Variants in SHANK2 observed in about 807,000 individuals in gnomAD.
SHANK2 encodes the protein SH3 and multiple ankyrin repeat domains 2.
A neutral mutation model predicts 133.7 loss-of-function variants in SHANK2; 43 were observed. The observed-to-expected ratio is 0.32, with a 90% CI of 0.25 to 0.41. The LOEUF (loss-of-function observed/expected upper bound fraction) is 0.41, where lower values mean the gene tolerates loss of function less well. Ranked by LOEUF, SHANK2 falls within the 10% of genes least tolerant of loss-of-function variation. SHANK2 has a pLI of 1.00. For synonymous variants in SHANK2, 1,017 were observed against 952.8 expected, an observed-to-expected ratio of 1.07 and a Z score of -1.24; for missense variants, 1,994 against 2,235.8, an observed-to-expected ratio of 0.89 and a Z score of 2.18.
intron 17 of SHANK2, among the ~76,000 whole-genome samples, chr11:70,553,649 C>T (rs1039312892): frequency 1.1e-4 from 16 of 152,314 alleles, no homozygotes; most frequent in Middle Eastern, 3.4e-3. Flanking sequence ...CACCCGGGCT[C>T]TTTCACCGAG....
intron 14 of SHANK2, among the ~76,000 whole-genome samples, chr11:70,702,072 C>T (rs1046446714): frequency 3.3e-5 from 5 of 151,722 alleles, no homozygotes; most frequent in Non-Finnish European, 7.4e-5. Context: ...TCATTACCAA[C>T]ATCATCACCG....
At chr11:70,540,264 A>G (rs58060506) in intron 17 of SHANK2, among the ~76,000 whole-genome samples, 22,711 of 152,146 alleles carry the variant, frequency 0.15, 1,918 homozygotes, top group East Asian at 0.21. Flanking sequence ...TGTCCCCAAG[A>G]GCAGGGGCCA....
chr11:70,711,656 G>C (rs1359481495), intron 14 of SHANK2, among the ~76,000 whole-genome samples: 1 of 152,030 alleles, frequency 6.6e-6, no homozygotes, highest in African/African-American at 2.4e-5. Flanking sequence ...TGTTGGGTAT[G>C]GGACCCACCG....
chr11:71,196,363 G>T (rs1403739678), intron 2 of SHANK2, among the ~76,000 whole-genome samples: 1 of 151,936 alleles, frequency 6.6e-6, no homozygotes, highest in African/African-American at 2.4e-5. Flanking sequence ...TTGGCTCACC[G>T]CAACCTCTGC....
At chr11:70,877,164 A>C (rs943589193) in intron 11 of SHANK2, among the ~76,000 whole-genome samples, 7 of 152,246 alleles carry the variant, frequency 4.6e-5, no homozygotes, top group Admixed American at 4.6e-4. Flanking sequence ...TGGTGTTCTG[A>C]ATTATTTTCC....
rs782011985 is a variant in SHANK2 at position 70,485,322 on chromosome 11, G to A, written c.4971C>T (p.Leu1657=). 1.5e-5 allele frequency: 25 copies of A among 1,613,624 alleles called. No individual in the cohort carries two copies. The highest frequency in any genetic ancestry group is 1.9e-5 in the Non-Finnish European group (22 of 1,179,992). ...ACCAACCGCGGACTTACCTTGGAGC[G>A]AGGCTGGCGGACTTGGCTCCCATTG... ...DSPMGAKSAS[L]APRSPEIMST... is the part of the protein sequence containing the mutation. The change falls in exon 25 of 26, where the codon CTC becomes CTT. Residue 1657 remains leucine (L), a synonymous_variant. Coordinates refer to ENST00000601538, the MANE Select transcript of SHANK2 (RefSeq NM_012309.5). The surrounding 1 kb of genome is among the most constrained non-coding windows in gnomAD (Gnocchi z 5.8).
At chr11:70,933,333 A>G in intron 10 of SHANK2, 1 of 454,734 alleles carries the variant, frequency 2.2e-6, no homozygotes, top group South Asian at 1.6e-5. Flanking sequence ...ATAGAGATGG[A>G]AAGTAGAATG....
At chr11:70,707,768 T>C (rs569861229) in intron 14 of SHANK2, among the ~76,000 whole-genome samples, 1 of 152,316 alleles carries the variant, frequency 6.6e-6, no homozygotes, top group African/African-American at 2.4e-5. Context: ...TACTGTTGTC[T>C]GTCCAGGAAT....
chr11:70,825,624 T>C (rs542013196), intron 11 of SHANK2, among the ~76,000 whole-genome samples: 2 of 152,350 alleles, frequency 1.3e-5, no homozygotes, highest in South Asian at 4.1e-4. Flanking sequence ...TCCTGAGTAC[T>C]GAAATTTCTT....
chr11:70,646,665 G>C (rs1309359778), intron 17 of SHANK2, among the ~76,000 whole-genome samples: 1 of 152,166 alleles, frequency 6.6e-6, no homozygotes, highest in African/African-American at 2.4e-5. Context: ...AAATAACTTG[G>C]TAGATGTGTG....
intron 10 of SHANK2, among the ~76,000 whole-genome samples, chr11:70,941,628 T>C (rs1301870650): frequency 1.3e-5 from 2 of 152,068 alleles, no homozygotes; most frequent in Admixed American, 6.5e-5. Context: ...ATTCGTGTCC[T>C]TATAAGAAGA....
chr11:70,539,158 A>G (rs577247355), intron 17 of SHANK2, among the ~76,000 whole-genome samples: 9 of 152,290 alleles, frequency 5.9e-5, no homozygotes, highest in Non-Finnish European at 1.2e-4. Flanking sequence ...AGGCAGGCCC[A>G]TGCACACAGA....
intron 12 of SHANK2, among the ~76,000 whole-genome samples, chr11:70,815,372 G>C (rs1162880884): frequency 6.6e-6 from 1 of 152,176 alleles, no homozygotes; most frequent in Non-Finnish European, 1.5e-5. Context: ...CTCTGTCTCA[G>C]AGGGACAGCC....
intron 17 of SHANK2, among the ~76,000 whole-genome samples, chr11:70,623,231 C>T (rs1369842380): frequency 6.6e-6 from 1 of 152,184 alleles, no homozygotes; most frequent in Non-Finnish European, 1.5e-5. Flanking sequence ...GCCTGCCTCT[C>T]CCACCCTTCC....
intron 9 of SHANK2, among the ~76,000 whole-genome samples, chr11:71,059,194 G>A (rs1950958129): frequency 6.6e-6 from 1 of 152,136 alleles, no homozygotes; most frequent in African/African-American, 2.4e-5. Context: ...TCCAGCCTGG[G>A]CAACAAGAGC....
intron 2 of SHANK2, among the ~76,000 whole-genome samples, chr11:71,204,951 G>A (rs902859125): frequency 6.6e-6 from 1 of 152,108 alleles, no homozygotes; most frequent in Admixed American, 6.5e-5. Flanking sequence ...GGGACAGCTA[G>A]CTCGGGTGAT....
intron 2 of SHANK2, among the ~76,000 whole-genome samples, chr11:71,209,678 G>A (rs1555118556): frequency 6.6e-6 from 1 of 152,164 alleles, no homozygotes; most frequent in African/African-American, 2.4e-5. Flanking sequence ...TGGTGTCAAT[G>A]TGCTGGGTGC....
intron 10 of SHANK2, among the ~76,000 whole-genome samples, chr11:70,904,989 AGCG>A (rs1158864861): frequency 6.6e-6 from 1 of 152,152 alleles, no homozygotes; most frequent in Non-Finnish European, 1.5e-5. Flanking sequence ...CTTTATCGGC[AGCG>A]TGAAAATGGA....
rs567112219 is a variant in SHANK2 at position 70,829,542 on chromosome 11, T to C, written c.1175-8860A>G. 2.0e-3 allele frequency among the ~76,000 whole-genome samples: 298 copies of C among 152,076 alleles called. 2 individuals are homozygous for C. The highest frequency in any genetic ancestry group is 3.4e-3 in the Middle Eastern group (1 of 294). On this transcript the variant is annotated intron_variant, in intron 11 of 25. Coordinates refer to ENST00000601538, the MANE Select transcript of SHANK2 (RefSeq NM_012309.5). ...CCCTGCACCCCATGTCCCATCTGGT[T>C]TGGGGGCATGCGCAGAAGACAGCCA... is the stretch of plus-strand genomic sequence containing the variant.
Sources: gnomAD v4.1 joint callset for allele counts (sites outside exome capture counted in the v4.1 genomes callset) on GRCh38, gnomAD v4.1.1 for gene constraint, Gnocchi (gnomAD v3.1) non-coding constraint, MANE v1.5 for transcripts, NCBI Gene and HGNC (gene_info 2026-07-23, HGNC 2026-07-21) for gene names.